The following ZNF618 variants were observed in gnomAD, a reference collection of about 807,000 sequenced individuals.
ZNF618 encodes the protein neural precursor cell expressed, developmentally down-regulated 10.
In ZNF618, 34 loss-of-function variants were observed where a neutral mutation model predicts 103.0. The observed-to-expected ratio is 0.33, with a 90% CI of 0.25 to 0.44. ZNF618 has a LOEUF of 0.44. Among genes scored for constraint, ZNF618 ranks in the 20% least tolerant of loss-of-function variants. ZNF618 has a pLI of 1.00. For missense variants in ZNF618, 1,059 were observed against 1,295.4 expected (o/e 0.82, Z 2.80); for synonymous variants, 551 against 542.2 (o/e 1.02, Z -0.23).
intron 1 of ZNF618, among the ~76,000 whole-genome samples, chr9:113,952,342 C>A (rs1835853640): frequency 6.6e-6 from 1 of 152,184 alleles, no homozygotes; most frequent in Non-Finnish European, 1.5e-5. Flanking sequence ...CCACCCCTTC[C>A]CTGCACACTG....
At chr9:113,974,309 A>T (rs1187444914) in intron 2 of ZNF618, among the ~76,000 whole-genome samples, 1 of 152,222 alleles carries the variant, frequency 6.6e-6, no homozygotes, top group African/African-American at 2.4e-5. Flanking sequence ...AGTGCATTCC[A>T]GGCAGAGAGA....
At chr9:113,957,763 TG>T (rs1309690061) in intron 1 of ZNF618, among the ~76,000 whole-genome samples, 6 of 152,030 alleles carry the variant, frequency 3.9e-5, no homozygotes, top group African/African-American at 1.2e-4. Flanking sequence ...TGCAACCCTT[TG>T]TATTTATAAT....
At chr9:113,916,352 A>G (rs1360772303) in intron 1 of ZNF618, among the ~76,000 whole-genome samples, 3 of 152,142 alleles carry the variant, frequency 2.0e-5, no homozygotes, top group African/African-American at 7.2e-5. Flanking sequence ...GCTAGAGTTC[A>G]TTTGCTGTTT....
At chr9:113,921,206 G>A (rs1435491433) in intron 1 of ZNF618, among the ~76,000 whole-genome samples, 1 of 152,162 alleles carries the variant, frequency 6.6e-6, no homozygotes, top group Non-Finnish European at 1.5e-5. Flanking sequence ...CTAATACCTG[G>A]GTGTTCCTAG....
In ZNF618 at chr9:113,910,228, C is replaced by T. The variant is rs139856420; in HGVS notation, c.33+33815C>T. 1.2e-4 allele frequency among the ~76,000 whole-genome samples: 19 copies of T among 152,306 alleles called. 1 individual carries two copies. Among genetic ancestry groups the T allele is most frequent in the African/African-American group, 2.4e-5 (1 of 41,548 alleles). ...CTGCTGAGGCAGTTGGTGCCATGGC[C>T]TCCCAGACCACAGAAAGAGAGTAGG... On this transcript the variant is annotated intron_variant, in intron 1 of 14. Transcript: ENST00000374126.
intron 1 of ZNF618, among the ~76,000 whole-genome samples, chr9:113,877,897 C>CT (rs1828108410): frequency 6.6e-6 from 1 of 152,032 alleles, no homozygotes; most frequent in Non-Finnish European, 1.5e-5. Context: ...TATGAAAAAA[C>CT]TAACAGTGGA....
chr9:113,991,527 A>T (rs950687721), intron 3 of ZNF618, among the ~76,000 whole-genome samples: 3 of 152,226 alleles, frequency 2.0e-5, no homozygotes, highest in African/African-American at 7.2e-5. Context: ...CTTAGTAAAC[A>T]AGTAGCTAGT....
At chr9:113,962,562 T>G (rs989660092) in intron 1 of ZNF618, among the ~76,000 whole-genome samples, 7 of 152,248 alleles carry the variant, frequency 4.6e-5, no homozygotes, top group African/African-American at 1.7e-4. Flanking sequence ...CTTGTCCTCA[T>G]GTACTCTGCC....
At chr9:113,972,734 T>A (rs1469825807) in intron 2 of ZNF618, among the ~76,000 whole-genome samples, 1 of 152,174 alleles carries the variant, frequency 6.6e-6, no homozygotes, top group Non-Finnish European at 1.5e-5. Context: ...AGTGACTTGA[T>A]GTTCAGTCTG....
intron 9 of ZNF618, 62 bp from the exon 10 acceptor site, chr9:114,016,633 G>A (rs1386066302): frequency 9.5e-6 from 13 of 1,362,184 alleles, no homozygotes; most frequent in South Asian, 1.2e-5. Flanking sequence ...GTGGGAGCAC[G>A]CTGATGCTTC....
At chr9:114,033,648 G>T (rs901128895) in intron 12 of ZNF618, among the ~76,000 whole-genome samples, 1 of 152,190 alleles carries the variant, frequency 6.6e-6, no homozygotes, top group South Asian at 2.1e-4. Flanking sequence ...AGCCTGGGGG[G>T]TGCCTGGCTG....
At chr9:113,953,051 A>C (rs1238267951) in intron 1 of ZNF618, among the ~76,000 whole-genome samples, 1 of 152,238 alleles carries the variant, frequency 6.6e-6, no homozygotes, top group African/African-American at 2.4e-5. Flanking sequence ...TTGCAACTAC[A>C]TGCAATATAA....
At chr9:113,885,181 G>A (rs1441517432) in intron 1 of ZNF618, among the ~76,000 whole-genome samples, 1 of 152,128 alleles carries the variant, frequency 6.6e-6, no homozygotes. Context: ...GTGGGGCAAG[G>A]CAGGCCCTGG....
intron 1 of ZNF618, among the ~76,000 whole-genome samples, chr9:113,878,276 C>G (rs1490968579): frequency 1.3e-5 from 2 of 151,844 alleles, no homozygotes; most frequent in Non-Finnish European, 2.9e-5. Context: ...TGATTCTTAT[C>G]CATCTTCCTT....
At chr9:113,960,977 G>A (rs148748874) in intron 1 of ZNF618, among the ~76,000 whole-genome samples, 1,527 of 152,316 alleles carry the variant, frequency 0.01, 36 homozygotes, top group African/African-American at 0.035. Context: ...ACAACCCAGC[G>A]AAGTTCACGG....
intron 1 of ZNF618, among the ~76,000 whole-genome samples, chr9:113,910,679 C>G (rs1382208600): frequency 6.6e-6 from 1 of 152,102 alleles, no homozygotes; most frequent in Non-Finnish European, 1.5e-5. Context: ...AGTGGTTCAT[C>G]TGAAAGCCCT....
At chr9:114,009,073 C>T (rs1024238457) in intron 9 of ZNF618, among the ~76,000 whole-genome samples, 1 of 152,206 alleles carries the variant, frequency 6.6e-6, no homozygotes, top group Non-Finnish European at 1.5e-5. Flanking sequence ...AGGGCAGGAG[C>T]CACACACGTC....
chr9:113,903,972 C>G (rs1830763814), intron 1 of ZNF618, among the ~76,000 whole-genome samples: 1 of 148,000 alleles, frequency 6.8e-6, no homozygotes, highest in Non-Finnish European at 1.5e-5. Context: ...GCCATTATTT[C>G]TTCAAATATC....
intron 6 of ZNF618, 46 bp from the exon 7 acceptor site, chr9:114,007,304 A>G: frequency 6.3e-7 from 1 of 1,581,422 alleles, no homozygotes; most frequent in Non-Finnish European, 8.7e-7. Flanking sequence ...CCCACCCCAC[A>G]AGACTGAAGC....
Sources: allele counts gnomAD v4.1 joint callset (sites outside exome capture counted in the v4.1 genomes callset), GRCh38; gene constraint gnomAD v4.1.1; transcripts MANE v1.5; gene names NCBI Gene and HGNC (gene_info 2026-07-23, HGNC 2026-07-21).